Variants in PPFIA2 observed in about 807,000 individuals in gnomAD.
The protein encoded by PPFIA2 is liprin-alpha-2.
PPFIA2 carries 46 observed loss-of-function variants against 175.5 expected under a neutral mutation model. That is an observed-to-expected ratio of 0.26 (90% confidence interval 0.21 to 0.34). PPFIA2 has a LOEUF of 0.34. Among genes scored for constraint, PPFIA2 ranks in the 10% least tolerant of loss-of-function variants. The pLI, the probability that PPFIA2 is intolerant of heterozygous loss-of-function variation, is 1.00. For missense variants in PPFIA2, 1,179 were observed against 1,506.1 expected (o/e 0.78, Z 3.60); for synonymous variants, 568 against 511.4 (o/e 1.11, Z -1.49).
rs140803750 is a variant in PPFIA2 at position 81,542,191 on chromosome 12, A to C, written c.304-84325T>G. Among the ~76,000 whole-genome samples the C allele has an allele frequency of 3.7e-4, 57 of 152,100 alleles. 1 individual carries two copies. In the East Asian group the frequency reaches 0.011, roughly 30 times the overall value. On this transcript the variant is annotated intron_variant, in intron 4 of 32. Coordinates refer to ENST00000549396, the MANE Select transcript of PPFIA2 (RefSeq NM_003625.5). ...TATCCTTTAAGACAGGGCAAGAGAGAGCTTTGGGACAGATGAGCAGGCAAT... is the reference window on the plus strand; with the variant it reads ...TATCCTTTAAGACAGGGCAAGAGAGCGCTTTGGGACAGATGAGCAGGCAAT...
intron 7 of PPFIA2, among the ~76,000 whole-genome samples, chr12:81,419,404 T>A (rs1522311): frequency 0.25 from 37,683 of 151,884 alleles, 4,909 homozygotes; most frequent in East Asian, 0.42. Context: ...TCCATAAGTG[T>A]TATTATTGTT....
chr12:81,618,477 A>C (rs2061641661), intron 4 of PPFIA2, among the ~76,000 whole-genome samples: 1 of 151,806 alleles, frequency 6.6e-6, no homozygotes, highest in African/African-American at 2.4e-5. Flanking sequence ...TTATTTCTGA[A>C]TAATTAAAAG....
intron 3 of PPFIA2, among the ~76,000 whole-genome samples, chr12:81,750,592 T>C (rs543040595): frequency 6.6e-6 from 1 of 152,248 alleles, no homozygotes; most frequent in African/African-American, 2.4e-5. Context: ...AGGGCATAGC[T>C]AAGAAACTTC....
chr12:81,637,773 C>T (rs1421974978), intron 4 of PPFIA2, among the ~76,000 whole-genome samples: 1 of 152,110 alleles, frequency 6.6e-6, no homozygotes, highest in Admixed American at 6.5e-5. Flanking sequence ...GGAAAAGAGA[C>T]AACAGTAGAC....
chr12:81,679,309 A>G (rs2073158929), intron 3 of PPFIA2, among the ~76,000 whole-genome samples: 1 of 151,934 alleles, frequency 6.6e-6, no homozygotes, highest in South Asian at 2.1e-4. Context: ...TGGAGTTAAT[A>G]CATGTCTTTC....
chr12:81,419,880 G>T (rs952339199), intron 7 of PPFIA2, among the ~76,000 whole-genome samples: 1 of 152,112 alleles, frequency 6.6e-6, no homozygotes, highest in East Asian at 1.9e-4. Flanking sequence ...TATGTTCACA[G>T]TTCAGACACA....
chr12:81,288,986 C>A (rs1222916824), intron 24 of PPFIA2, among the ~76,000 whole-genome samples: 1 of 151,768 alleles, frequency 6.6e-6, no homozygotes, highest in Non-Finnish European at 1.5e-5. Context: ...TGATAGAGTG[C>A]AGGAAGCAGA....
chr12:81,380,734 T>A (rs73354696), intron 9 of PPFIA2, among the ~76,000 whole-genome samples: 1 of 152,132 alleles, frequency 6.6e-6, no homozygotes, highest in Admixed American at 6.6e-5. Context: ...GCATAGATCT[T>A]TGGCAAGTTA....
intron 4 of PPFIA2, among the ~76,000 whole-genome samples, chr12:81,662,458 G>T: frequency 6.6e-6 from 1 of 152,082 alleles, no homozygotes; most frequent in Admixed American, 6.6e-5. Flanking sequence ...TAGAAGAAAT[G>T]GATAAATTCC....
At chr12:81,594,597 T>C (rs1277267229) in intron 4 of PPFIA2, among the ~76,000 whole-genome samples, 2 of 152,106 alleles carry the variant, frequency 1.3e-5, no homozygotes, top group African/African-American at 2.4e-5. Context: ...AAATGTAGAA[T>C]AGAGAAACTT....
At chr12:81,577,397 T>C (rs1268904734) in intron 4 of PPFIA2, among the ~76,000 whole-genome samples, 3 of 151,904 alleles carry the variant, frequency 2.0e-5, no homozygotes, top group Admixed American at 2.0e-4. Context: ...GTCAAACATA[T>C]TTTTCCTACT....
intron 4 of PPFIA2, among the ~76,000 whole-genome samples, chr12:81,635,128 T>C (rs139052885): frequency 5.9e-4 from 90 of 152,340 alleles, no homozygotes; most frequent in African/African-American, 2.0e-3. Flanking sequence ...GGAAAATCTA[T>C]TGAAATGTCC....
chr12:81,370,126 T>C (rs1389742626), intron 11 of PPFIA2, among the ~76,000 whole-genome samples: 1 of 151,830 alleles, frequency 6.6e-6, no homozygotes, highest in Non-Finnish European at 1.5e-5. Flanking sequence ...ATGGAAACAG[T>C]AGTTTCACAA....
intron 7 of PPFIA2, among the ~76,000 whole-genome samples, chr12:81,422,165 T>C (rs907603339): frequency 3.4e-5 from 5 of 147,398 alleles, no homozygotes; most frequent in Admixed American, 1.4e-4. Context: ...TATATATATA[T>C]ATATATATGT....
At chr12:81,366,719 A>T (rs2033567449) in intron 14 of PPFIA2, among the ~76,000 whole-genome samples, 1 of 151,776 alleles carries the variant, frequency 6.6e-6, no homozygotes, top group South Asian at 2.1e-4. Context: ...AATAGTATTT[A>T]ATGTATTTCT....
chr12:81,467,595 T>C (rs1352966347), intron 4 of PPFIA2, among the ~76,000 whole-genome samples: 2 of 152,178 alleles, frequency 1.3e-5, no homozygotes, highest in Admixed American at 1.3e-4. Flanking sequence ...TATTTGAACA[T>C]TTGATGACAC....
intron 22 of PPFIA2, among the ~76,000 whole-genome samples, chr12:81,316,989 A>G (rs1217944262): frequency 6.6e-6 from 1 of 151,708 alleles, no homozygotes; most frequent in Admixed American, 6.6e-5. Flanking sequence ...ATAAAAGAAA[A>G]TAGCAGTTTT....
intron 4 of PPFIA2, among the ~76,000 whole-genome samples, chr12:81,493,730 T>TTG (rs3075419): frequency 0.014 from 1,706 of 122,192 alleles, 20 homozygotes; most frequent in African/African-American, 0.02. Flanking sequence ...GAGTGTGTGT[T>TTG]TGTGTGTGTG....
chr12:81,398,138 G>A (rs1368452914), intron 8 of PPFIA2, among the ~76,000 whole-genome samples: 1 of 152,028 alleles, frequency 6.6e-6, no homozygotes, highest in Non-Finnish European at 1.5e-5. Flanking sequence ...CCAGTTGGTG[G>A]AAAAATTGTC....
Sources: gnomAD v4.1 joint callset for allele counts (sites outside exome capture counted in the v4.1 genomes callset) on GRCh38, gnomAD v4.1.1 for gene constraint, MANE v1.5 for transcripts, NCBI Gene and HGNC (gene_info 2026-07-23, HGNC 2026-07-21) for gene names.